The following DPP6 variants were observed in gnomAD, a reference collection of about 807,000 sequenced individuals.
DPP6 encodes the protein A-type potassium channel modulatory protein DPP6.
Under a neutral mutation model 122.6 loss-of-function variants are expected in DPP6, and 69 were observed. The observed-to-expected ratio is 0.56, with a 90% CI of 0.46 to 0.69. The LOEUF (loss-of-function observed/expected upper bound fraction) is 0.69. DPP6 is among the 30% of genes least tolerant of loss of function. The probability of loss-of-function intolerance (pLI) is 0.00; values close to 1 mark genes in which losing one functional copy is unlikely to be tolerated. For synonymous variants in DPP6, 418 were observed against 433.1 expected (o/e 0.97, Z 0.43); for missense variants, 928 against 1,116.9 (o/e 0.83, Z 2.41).
At chr7:154,188,110 G>A (rs1585584896) in intron 1 of DPP6, among the ~76,000 whole-genome samples, 1 of 151,994 alleles carries the variant, frequency 6.6e-6, no homozygotes, top group Non-Finnish European at 1.5e-5. Flanking sequence ...TTCTGGTCAC[G>A]CGTAAAGACC....
intron 1 of DPP6, among the ~76,000 whole-genome samples, chr7:154,059,883 C>T (rs909187307): frequency 6.6e-6 from 1 of 151,706 alleles, no homozygotes; most frequent in African/African-American, 2.4e-5. Flanking sequence ...GCCTTGGCAG[C>T]AACTGCCCTG....
chr7:154,045,028 T>C (rs1343688824), intron 1 of DPP6, among the ~76,000 whole-genome samples: 1 of 152,190 alleles, frequency 6.6e-6, no homozygotes, highest in East Asian at 1.9e-4. Context: ...AGTTGTGGTA[T>C]GATAGTTTGA....
intron 6 of DPP6, among the ~76,000 whole-genome samples, chr7:154,663,929 T>C (rs531766096): frequency 7.8e-5 from 8 of 103,150 alleles, no homozygotes; most frequent in African/African-American, 2.2e-4. Context: ...GCCATAGTGT[T>C]CATGTAGTCA....
chr7:154,320,747 A>G (rs1585929054), intron 1 of DPP6, among the ~76,000 whole-genome samples: 3 of 152,144 alleles, frequency 2.0e-5, no homozygotes, highest in Admixed American at 6.5e-5. Context: ...CAACCTCCCA[A>G]CGTGCTGGGA....
chr7:153,784,946 A>G, the DPP6 span, among the ~76,000 whole-genome samples: 3 of 152,372 alleles, frequency 2.0e-5, no homozygotes, highest in African/African-American at 7.2e-5. Context: ...GCATTTAGCT[A>G]ATTCCCAATT....
intron 3 of DPP6, among the ~76,000 whole-genome samples, chr7:154,478,980 A>G (rs114231408): frequency 8.2e-4 from 118 of 143,982 alleles, no homozygotes; most frequent in African/African-American, 2.9e-3. Context: ...GTTTTTTAGT[A>G]CACATTAACT....
At chr7:154,513,880 C>T (rs534644793) in intron 3 of DPP6, among the ~76,000 whole-genome samples, 2 of 152,310 alleles carry the variant, frequency 1.3e-5, no homozygotes, top group Non-Finnish European at 2.9e-5. Flanking sequence ...CAAACCCATA[C>T]ATCTTTCTTA....
intron 2 of DPP6, among the ~76,000 whole-genome samples, chr7:154,458,287 G>A (rs1400623012): frequency 1.3e-5 from 2 of 152,156 alleles, no homozygotes; most frequent in Non-Finnish European, 2.9e-5. Flanking sequence ...AGACCTGATG[G>A]TTTTATAAAA....
At chr7:154,867,010 T>C (rs532271175) in intron 17 of DPP6, among the ~76,000 whole-genome samples, 15 of 150,746 alleles carry the variant, frequency 1.0e-4, no homozygotes, top group Non-Finnish European at 2.1e-4. Context: ...AAGGGAGTTA[T>C]ATGGGAGGAT....
At chr7:153,766,536 G>T in the DPP6 span, among the ~76,000 whole-genome samples, 1 of 152,082 alleles carries the variant, frequency 6.6e-6, no homozygotes, top group African/African-American at 2.4e-5. Context: ...CTCAATAAAT[G>T]TTTATTAATG....
At chr7:153,978,543 C>T (rs1241380658) in intron 1 of DPP6, among the ~76,000 whole-genome samples, 1 of 152,054 alleles carries the variant, frequency 6.6e-6, no homozygotes, top group African/African-American at 2.4e-5. Context: ...TTTTGCTGTG[C>T]AGAAGCTCTT....
the DPP6 span, among the ~76,000 whole-genome samples, chr7:153,817,168 C>A: frequency 0.56 from 80,561 of 143,942 alleles, 22,762 homozygotes; most frequent in African/African-American, 0.65. Context: ...TCTGTTTCTT[C>A]TTCCTGCCTC....
At chr7:154,370,149 AT>A (rs34122815) in intron 1 of DPP6, among the ~76,000 whole-genome samples, 13,313 of 151,788 alleles carry the variant, frequency 0.088, 701 homozygotes, top group African/African-American at 0.14. Context: ...TGCCCAGCTA[AT>A]TTTTGTATTT....
chr7:154,440,168 G>A (rs1056125471), intron 1 of DPP6, among the ~76,000 whole-genome samples: 2 of 152,178 alleles, frequency 1.3e-5, no homozygotes, highest in South Asian at 2.1e-4. Flanking sequence ...GGAGGTGTTG[G>A]GGAAGGTGGG....
At position 154,893,479 on chromosome 7, in the gene DPP6, A is replaced by AAG. The variant is rs1554498918; in HGVS notation, c.*1000_*1001insGA. On this transcript the variant is annotated 3_prime_UTR_variant, in exon 26 of 26. Transcript: ENST00000377770. ...AAAAAAAAAAAAAAAAAAAAAAAAA[A>AAG]ACAGAAAAAAGACAAAGCGTCAACT... is the stretch of plus-strand genomic sequence containing the variant. 2.3e-5 allele frequency: 3 copies of AAG among 129,846 alleles called. No individual in the cohort carries two copies. Among genetic ancestry groups the AAG allele is most frequent in the Non-Finnish European group, 5.2e-5 (3 of 57,440 alleles). 8.0% of individuals were successfully genotyped at this position (129,846 alleles called of 1,614,324 possible).
intron 1 of DPP6, among the ~76,000 whole-genome samples, chr7:154,433,906 T>G (rs1477722083): frequency 6.6e-6 from 1 of 152,236 alleles, no homozygotes; most frequent in African/African-American, 2.4e-5. Context: ...ACACAATGTC[T>G]GAAGTAAAAC....
intron 1 of DPP6, chr7:154,026,140 G>A (rs1188563914): frequency 6.6e-6 from 1 of 151,736 alleles, no homozygotes; most frequent in African/African-American, 2.4e-5. Flanking sequence ...CAGGTACGCA[G>A]GTGCCACATG....
At chr7:154,724,551 T>G (rs1841972724) in intron 7 of DPP6, among the ~76,000 whole-genome samples, 1 of 152,212 alleles carries the variant, frequency 6.6e-6, no homozygotes, top group Admixed American at 6.5e-5. Flanking sequence ...TTCAGGAGAC[T>G]TGAGTGTAAA....
At chr7:153,852,307 G>A in the DPP6 span, among the ~76,000 whole-genome samples, 2 of 152,092 alleles carry the variant, frequency 1.3e-5, no homozygotes, top group African/African-American at 4.8e-5. Context: ...TTGTCCCCGA[G>A]TTCTATAGGA....
Sources: gnomAD v4.1 joint callset for allele counts (sites outside exome capture counted in the v4.1 genomes callset) on GRCh38, gnomAD v4.1.1 for gene constraint, MANE v1.5 for transcripts, NCBI Gene and HGNC (gene_info 2026-07-23, HGNC 2026-07-21) for gene names.